Variants in GRID2 observed in about 807,000 individuals in gnomAD.
GRID2 encodes glutamate ionotropic receptor delta type subunit 2.
In GRID2, 33 loss-of-function variants were observed where a neutral mutation model predicts 114.8. That is an observed-to-expected ratio of 0.29 (90% confidence interval 0.22 to 0.38). GRID2 has a LOEUF of 0.38. GRID2 is among the 10% of genes least tolerant of loss of function. The pLI is 1.00. For synonymous variants in GRID2, 505 were observed against 449.9 expected (o/e 1.12, Z -1.55); for missense variants, 1,184 against 1,257.7 (o/e 0.94, Z 0.89).
In GRID2 at chr4:93,211,380, T is replaced by C. The variant is rs534541722; in HGVS notation, c.789+3923T>C. 3.9e-5 allele frequency among the ~76,000 whole-genome samples: 6 copies of C among 152,270 alleles called. No individual in the cohort carries two copies. In the East Asian group the frequency reaches 1.2e-3, roughly 29 times the overall value. On this transcript the variant is annotated intron_variant, in intron 5 of 15. Coordinates refer to ENST00000282020, the MANE Select transcript of GRID2 (RefSeq NM_001510.4). ...TTTTCATAAGCATTATGATTCATGTTTTTAAACTTATTAAATTTTATTTCA... is the reference window on the plus strand; with the variant it reads ...TTTTCATAAGCATTATGATTCATGTCTTTAAACTTATTAAATTTTATTTCA...
chr4:92,594,499 T>G (rs182029823), intron 2 of GRID2, among the ~76,000 whole-genome samples: 213 of 152,040 alleles, frequency 1.4e-3, no homozygotes, highest in African/African-American at 4.9e-3. Context: ...GAAACGATCA[T>G]TATTTAGTGT....
At chr4:93,010,724 A>G (rs1266595545) in intron 2 of GRID2, among the ~76,000 whole-genome samples, 1 of 152,160 alleles carries the variant, frequency 6.6e-6, no homozygotes, top group Non-Finnish European at 1.5e-5. Context: ...TTTTTAAAAT[A>G]TCCTTAAGAA....
At chr4:92,942,529 C>T (rs1234271887) in intron 2 of GRID2, among the ~76,000 whole-genome samples, 2 of 152,160 alleles carry the variant, frequency 1.3e-5, no homozygotes, top group African/African-American at 2.4e-5. Context: ...ATCCAATTTG[C>T]CAGACTGTGT....
intron 2 of GRID2, among the ~76,000 whole-genome samples, chr4:92,888,627 G>A (rs1010542827): frequency 6.6e-6 from 1 of 151,946 alleles, no homozygotes; most frequent in Non-Finnish European, 1.5e-5. Flanking sequence ...TATTGCAAGT[G>A]CACAGCAGGT....
chr4:92,742,407 C>A (rs1170201176), intron 2 of GRID2, among the ~76,000 whole-genome samples: 2 of 152,076 alleles, frequency 1.3e-5, no homozygotes, highest in African/African-American at 4.8e-5. Flanking sequence ...TGCACCCCTC[C>A]AGCCTACCCC....
chr4:92,922,317 G>C (rs1419565229), intron 2 of GRID2, among the ~76,000 whole-genome samples: 2 of 152,234 alleles, frequency 1.3e-5, no homozygotes, highest in East Asian at 3.9e-4. Flanking sequence ...GACTCACCCT[G>C]CTTCGGCTCA....
At chr4:93,061,296 T>C (rs1033508324) in intron 2 of GRID2, among the ~76,000 whole-genome samples, 5 of 151,450 alleles carry the variant, frequency 3.3e-5, no homozygotes, top group African/African-American at 7.3e-5. Context: ...ATTTTTCTGA[T>C]TCAGGCTATG....
intron 13 of GRID2, among the ~76,000 whole-genome samples, chr4:93,587,269 G>A (rs534120361): frequency 1.1e-3 from 171 of 152,166 alleles, no homozygotes; most frequent in Non-Finnish European, 2.0e-3. Context: ...TTAAAATGCA[G>A]TTATCTAAAT....
intron 11 of GRID2, among the ~76,000 whole-genome samples, chr4:93,487,428 C>A (rs1726524785): frequency 6.6e-6 from 1 of 151,826 alleles, no homozygotes; most frequent in Non-Finnish European, 1.5e-5. Context: ...TACAATTTAG[C>A]TGCATCCCAT....
chr4:93,565,930 G>C (rs1003435244), intron 13 of GRID2, among the ~76,000 whole-genome samples: 1 of 152,148 alleles, frequency 6.6e-6, no homozygotes, highest in Non-Finnish European at 1.5e-5. Flanking sequence ...CACTATATTA[G>C]AGTATGAAAA....
chr4:93,810,224 T>C (rs1054475513), downstream of GRID2: 8 of 152,202 alleles, frequency 5.3e-5, no homozygotes, highest in African/African-American at 1.9e-4. Flanking sequence ...TCCTTGGTAT[T>C]ACTGATGTAG....
chr4:93,455,307 T>C (rs1160110432), intron 10 of GRID2, among the ~76,000 whole-genome samples: 1 of 152,128 alleles, frequency 6.6e-6, no homozygotes, highest in East Asian at 1.9e-4. Context: ...TAGAAAAGAT[T>C]CTCCATTATA....
At chr4:92,689,551 G>A (rs888853643) in intron 2 of GRID2, among the ~76,000 whole-genome samples, 7 of 152,198 alleles carry the variant, frequency 4.6e-5, no homozygotes, top group Admixed American at 3.3e-4. Flanking sequence ...TCTCATAAAA[G>A]TTTGAATCCT....
At chr4:93,024,589 C>T (rs561522568) in intron 2 of GRID2, among the ~76,000 whole-genome samples, 143 of 151,576 alleles carry the variant, frequency 9.4e-4, no homozygotes, top group Non-Finnish European at 1.4e-3. Context: ...ATGTATTTTA[C>T]ATTATTTTAT....
intron 2 of GRID2, among the ~76,000 whole-genome samples, chr4:92,863,215 A>G (rs1578335631): frequency 6.6e-6 from 1 of 151,974 alleles, no homozygotes. Flanking sequence ...ACATTTCTAC[A>G]TTTTTCCTAC....
chr4:93,048,482 T>C, intron 2 of GRID2, among the ~76,000 whole-genome samples: 1 of 152,000 alleles, frequency 6.6e-6, no homozygotes, highest in East Asian at 1.9e-4. Context: ...CAAACTTCCG[T>C]CTGTGGCAAA....
chr4:93,277,670 G>C (rs760243066), intron 8 of GRID2, among the ~76,000 whole-genome samples: 4 of 151,768 alleles, frequency 2.6e-5, no homozygotes, highest in Non-Finnish European at 5.9e-5. Flanking sequence ...AATATGATAT[G>C]CATATTTTCA....
At chr4:93,144,588 TA>T (rs1258065881) in intron 4 of GRID2, among the ~76,000 whole-genome samples, 8 of 152,164 alleles carry the variant, frequency 5.3e-5, no homozygotes, top group Non-Finnish European at 7.3e-5. Context: ...GTGTAGGAAT[TA>T]GCCCTTGAAA....
rs1486924856 is a variant in GRID2 at position 92,450,048 on chromosome 4, T to C, written c.89-140083T>C. Among the ~76,000 whole-genome samples, 5 of 152,212 alleles carry C rather than the reference T, an allele frequency of 3.3e-5. No individual in the cohort carries two copies. The East Asian group carries it at 9.7e-4, about 29-fold the overall frequency. On this transcript the variant is annotated intron_variant, in intron 1 of 15. Coordinates refer to ENST00000282020, the MANE Select transcript of GRID2 (RefSeq NM_001510.4). ...TATCAAATATGTCAGATATGAAAAG[T>C]AATTTCAGCTTTGTTTTCAACTTTG...
Sources: gnomAD v4.1 joint callset for allele counts (sites outside exome capture counted in the v4.1 genomes callset) on GRCh38, gnomAD v4.1.1 for gene constraint, MANE v1.5 for transcripts, NCBI Gene and HGNC (gene_info 2026-07-23, HGNC 2026-07-21) for gene names.